ANKS1B: variants seen among roughly 807,000 people sequenced by gnomAD.
ANKS1B encodes ankyrin repeat and sterile alpha motif domain containing 1B.
In ANKS1B, 36 loss-of-function variants were observed where a neutral mutation model predicts 148.3. That is an observed-to-expected ratio of 0.24 (90% CI 0.19 to 0.32). The LOEUF is 0.32. Among genes scored for constraint, ANKS1B ranks in the 10% least tolerant of loss-of-function variants. The probability of loss-of-function intolerance (pLI) is 1.00; values close to 1 mark genes in which losing one functional copy is unlikely to be tolerated. For missense variants in ANKS1B, 1,157 were observed against 1,542.6 expected (o/e 0.75, Z 4.19); for synonymous variants, 542 against 560.8 (o/e 0.97, Z 0.47).
At chr12:99,859,547 A>C (rs746627528) in intron 1 of ANKS1B, among the ~76,000 whole-genome samples, 16 of 152,192 alleles carry the variant, frequency 1.1e-4, no homozygotes, top group Non-Finnish European at 2.2e-4. Context: ...AGTTCTCTAT[A>C]ACTATTATTA....
Position 99,461,380 on chromosome 12 carries a change from C to T in ANKS1B, c.1439-17571G>A, listed in dbSNP as rs571170281. Among the ~76,000 whole-genome samples, 10 of 151,976 alleles carry T rather than the reference C, an allele frequency of 6.6e-5. No individual in the cohort carries two copies. In the South Asian group the frequency reaches 1.7e-3, roughly 25 times the overall value. ...AATCTCAGAAATCACCACTAAAGAA[C>T]TTATTCATGTAACCAAATACGAACT... On this transcript the variant is annotated intron_variant, in intron 10 of 26. Transcript: ENST00000683438.
intron 11 of ANKS1B, among the ~76,000 whole-genome samples, chr12:99,422,580 T>A (rs2095121843): frequency 6.6e-6 from 1 of 152,010 alleles, no homozygotes; most frequent in African/African-American, 2.4e-5. Flanking sequence ...AGAAGGAACA[T>A]GAAATGCCGT....
At chr12:98,962,807 A>G (rs1443234554) in intron 17 of ANKS1B, among the ~76,000 whole-genome samples, 2 of 152,230 alleles carry the variant, frequency 1.3e-5, no homozygotes, top group African/African-American at 4.8e-5. Context: ...GGAAAATATA[A>G]AAACACACGG....
chr12:98,895,034 A>G (rs2099761889), intron 17 of ANKS1B: 10 of 883,988 alleles, frequency 1.1e-5, no homozygotes, highest in Non-Finnish European at 1.4e-5. Context: ...CGCCGTCTCC[A>G]GGGCTGCTGG....
At chr12:99,808,869 G>A (rs1273481688) in intron 3 of ANKS1B, among the ~76,000 whole-genome samples, 4 of 151,980 alleles carry the variant, frequency 2.6e-5, no homozygotes, top group Non-Finnish European at 5.9e-5. Context: ...GAGCAAAATC[G>A]AAAAATTTTC....
chr12:99,681,861 T>C (rs2098620590), intron 8 of ANKS1B, among the ~76,000 whole-genome samples: 1 of 151,996 alleles, frequency 6.6e-6, no homozygotes, highest in African/African-American at 2.4e-5. Flanking sequence ...GCCAGGAAAA[T>C]AATTCAGAAG....
At chr12:99,337,669 G>C (rs1316901843) in intron 12 of ANKS1B, among the ~76,000 whole-genome samples, 1 of 152,148 alleles carries the variant, frequency 6.6e-6, no homozygotes, top group Non-Finnish European at 1.5e-5. Context: ...AATGGAAATT[G>C]AGTAATGTAA....
chr12:99,508,331 G>A (rs531955637), intron 9 of ANKS1B, among the ~76,000 whole-genome samples: 1 of 151,700 alleles, frequency 6.6e-6, no homozygotes, highest in South Asian at 2.1e-4. Context: ...TAGTAGTGAT[G>A]GGGAAGAGTC....
At chr12:99,219,272 C>T (rs563592067) in intron 14 of ANKS1B, among the ~76,000 whole-genome samples, 12 of 152,304 alleles carry the variant, frequency 7.9e-5, no homozygotes, top group African/African-American at 2.4e-4. Context: ...GGCCCTTTGA[C>T]ATGTAAATCT....
intron 8 of ANKS1B, among the ~76,000 whole-genome samples, chr12:99,676,792 ATC>A (rs1384555474): frequency 1.3e-5 from 2 of 152,224 alleles, no homozygotes; most frequent in African/African-American, 4.8e-5. Flanking sequence ...TGAAGTCAAA[ATC>A]TGGAAAACAA....
chr12:98,745,716 C>A lies in ANKS1B; in HGVS notation c.*23G>T. ...GGACCGCTTGGCGAGCAAGGCACCG[C>A]GAGGACAGGAGGACGGCGAGTATCA... On this transcript the variant is annotated 3_prime_UTR_variant, in exon 27 of 27. Coordinates refer to ENST00000683438, the MANE Select transcript of ANKS1B (RefSeq NM_001352186.2). The A allele has an allele frequency of 6.2e-7, 1 of 1,611,312 alleles. No individual in the cohort carries two copies. The highest frequency in any genetic ancestry group is 8.5e-7 in the Non-Finnish European group (1 of 1,178,580).
At chr12:99,934,878 G>T (rs759451028) in intron 1 of ANKS1B, among the ~76,000 whole-genome samples, 10 of 152,104 alleles carry the variant, frequency 6.6e-5, no homozygotes, top group Non-Finnish European at 1.5e-4. Context: ...GCTTGTCTAA[G>T]TATAGAATCT....
At chr12:99,159,844 C>T (rs1322330486) in intron 14 of ANKS1B, among the ~76,000 whole-genome samples, 1 of 152,190 alleles carries the variant, frequency 6.6e-6, no homozygotes, top group Non-Finnish European at 1.5e-5. Flanking sequence ...ACATTCCCAT[C>T]AACAGTGTAT....
chr12:99,515,359 C>T (rs1310982889), intron 9 of ANKS1B, among the ~76,000 whole-genome samples: 1 of 152,006 alleles, frequency 6.6e-6, no homozygotes, highest in African/African-American at 2.4e-5. Context: ...AACCATCATC[C>T]TACTTTATGT....
chr12:99,180,271 G>A (rs2078956749), intron 14 of ANKS1B, among the ~76,000 whole-genome samples: 1 of 152,104 alleles, frequency 6.6e-6, no homozygotes, highest in Non-Finnish European at 1.5e-5. Context: ...TGTTAAAAAT[G>A]TACATATACA....
intron 4 of ANKS1B, among the ~76,000 whole-genome samples, chr12:99,791,195 T>C (rs2065609736): frequency 6.6e-6 from 1 of 151,978 alleles, no homozygotes; most frequent in Non-Finnish European, 1.5e-5. Context: ...CATTATATAA[T>C]GACAAAGGGG....
chr12:98,875,922 G>C (rs1385993927), intron 17 of ANKS1B, among the ~76,000 whole-genome samples: 1 of 151,952 alleles, frequency 6.6e-6, no homozygotes, highest in East Asian at 1.9e-4. Flanking sequence ...TGCACCTGTT[G>C]GCCGGTGGCT....
intron 17 of ANKS1B, among the ~76,000 whole-genome samples, chr12:98,975,616 G>A (rs776578720): frequency 2.6e-5 from 4 of 152,108 alleles, no homozygotes; most frequent in African/African-American, 9.7e-5. Flanking sequence ...AAAATGCTAC[G>A]AAGGGAAAGT....
intron 17 of ANKS1B, chr12:98,894,927 C>A (rs2099761366): frequency 1.1e-6 from 1 of 910,224 alleles, no homozygotes; most frequent in Non-Finnish European, 1.3e-6. Flanking sequence ...CGCGTGCCCC[C>A]CACCCCCCGC....
Sources: gnomAD v4.1 joint callset for allele counts (sites outside exome capture counted in the v4.1 genomes callset) on GRCh38, gnomAD v4.1.1 for gene constraint, MANE v1.5 for transcripts, NCBI Gene and HGNC (gene_info 2026-07-23, HGNC 2026-07-21) for gene names.